Variants in AIM2 observed in about 807,000 individuals in gnomAD.
The protein encoded by AIM2 is interferon-inducible protein AIM2.
Under a neutral mutation model 27.7 loss-of-function variants are expected in AIM2, and 30 were observed. That is an observed-to-expected ratio of 1.08 (90% confidence interval 0.81 to 1.47). The LOEUF is 1.47. AIM2 is among the 40% of genes most tolerant of loss of function. The pLI is 0.00. For missense variants in AIM2, 358 were observed against 411.3 expected, an observed-to-expected ratio of 0.87 and a Z score of 1.12; for synonymous variants, 141 against 145.3, an observed-to-expected ratio of 0.97 and a Z score of 0.21.
At chr1:159,064,520 G>C (rs553462567) in intron 4 of AIM2, among the ~76,000 whole-genome samples, 1 of 152,290 alleles carries the variant, frequency 6.6e-6, no homozygotes, top group East Asian at 1.9e-4. Flanking sequence ...GCTGGAGTGC[G>C]ATGGCGCAAT....
chr1:159,141,038 A>T (rs934149701), upstream of AIM2, among the ~76,000 whole-genome samples: 2 of 152,174 alleles, frequency 1.3e-5, no homozygotes, highest in Non-Finnish European at 2.9e-5. Context: ...CAATGATTAC[A>T]TTTCACCTGA....
intron 1 of AIM2, among the ~76,000 whole-genome samples, chr1:159,129,165 GA>G (rs1159028473): frequency 6.6e-6 from 1 of 152,194 alleles, no homozygotes; most frequent in Admixed American, 6.5e-5. Flanking sequence ...CTGAGACACA[GA>G]AAAGATGGCC....
At chr1:159,114,725 C>A (rs1161646107) in intron 1 of AIM2, among the ~76,000 whole-genome samples, 1 of 152,162 alleles carries the variant, frequency 6.6e-6, no homozygotes, top group Non-Finnish European at 1.5e-5. Context: ...CAGCCAATAT[C>A]ATACTGAATG....
At chr1:159,063,460 T>C (rs374701354) in intron 5 of AIM2, 26 bp downstream of exon 5, 13 of 1,585,422 alleles carry the variant, frequency 8.2e-6, no homozygotes, top group East Asian at 6.7e-5. Flanking sequence ...CCTTGGAGAG[T>C]TGACTTTGTT....
chr1:159,076,176 T>G (rs187073863), intron 1 of AIM2, among the ~76,000 whole-genome samples: 1 of 152,316 alleles, frequency 6.6e-6, no homozygotes, highest in Admixed American at 6.5e-5. Context: ...GCTTGGATGA[T>G]TCCTACTTTT....
chr1:159,055,936 G>A, the AIM2 span, among the ~76,000 whole-genome samples: 6 of 152,142 alleles, frequency 3.9e-5, no homozygotes, highest in African/African-American at 1.4e-4. Context: ...TGGTAAATTA[G>A]AGAGCTTGAT....
At chr1:159,095,928 A>C (rs1422214835) in intron 1 of AIM2, among the ~76,000 whole-genome samples, 1 of 152,222 alleles carries the variant, frequency 6.6e-6, no homozygotes, top group Non-Finnish European at 1.5e-5. Flanking sequence ...AAGAAATTGC[A>C]AAGAGTATGG....
rs547308603 is a variant in AIM2, at chr1:159,066,467, C to T, written c.397-138G>A. The T allele has an allele frequency of 3.1e-4, 275 of 876,988 alleles. 1 individual carries two copies. Among genetic ancestry groups the T allele is most frequent in the South Asian group, 1.7e-3 (96 of 55,568 alleles). The allele number at this position is 876,988 out of a possible 1,614,324, so 54.3% of individuals were successfully genotyped here. A position where few individuals can be genotyped will look rare whatever the true frequency, so the allele number is the denominator to read the frequency against. ...CAAGGGAAGAGATACAGAGGGGATA[C>T]GAAGAGAGTTGAGGCCTAGAACGAT... On this transcript the variant is annotated intron_variant, in intron 3 of 5. Coordinates refer to ENST00000368130, the MANE Select transcript of AIM2 (RefSeq NM_004833.3).
chr1:159,124,094 C>A (rs1647613743), intron 1 of AIM2, among the ~76,000 whole-genome samples: 1 of 152,182 alleles, frequency 6.6e-6, no homozygotes. Flanking sequence ...CTCTGTCCTC[C>A]CTTTCATTTT....
At chr1:159,101,631 C>T (rs145939979) in intron 1 of AIM2, among the ~76,000 whole-genome samples, 69 of 152,290 alleles carry the variant, frequency 4.5e-4, no homozygotes, top group African/African-American at 1.6e-3. Flanking sequence ...GACCAAAATG[C>T]TGATAGTGAT....
chr1:159,068,590 G>A lies in AIM2; in HGVS notation c.374C>T (p.Pro125Leu). The change falls in exon 3 of 6, where the codon CCA becomes CTA. Residue 125 changes from proline (P) to leucine (L), a missense_variant. Transcript: ENST00000368130. ...TACCTTAACATGAGGAGAGACTTTT[G>A]GTGCAGCACGTTGCTTTGCGACATC... is the stretch of plus-strand genomic sequence containing the variant. ...RNDVAKQRAA[P>L]KVSPHVKPEQ... 1.2e-6 allele frequency: 2 copies of A among 1,612,794 alleles called. No individual in the cohort carries two copies. The highest frequency in any genetic ancestry group is 1.7e-6 in the Non-Finnish European group (2 of 1,179,484).
chr1:159,067,422 A>G (rs1234956309), intron 3 of AIM2, among the ~76,000 whole-genome samples: 1 of 152,184 alleles, frequency 6.6e-6, no homozygotes, highest in Non-Finnish European at 1.5e-5. Flanking sequence ...CAGAGGCATA[A>G]AAAGCCAAGC....
intron 1 of AIM2, among the ~76,000 whole-genome samples, chr1:159,099,555 G>T (rs559685196): frequency 3.2e-4 from 48 of 152,240 alleles, no homozygotes; most frequent in African/African-American, 1.1e-3. Flanking sequence ...CCATTTCAGG[G>T]AACAACTTTT....
chr1:159,086,635 A>C (rs1329658753), intron 1 of AIM2, among the ~76,000 whole-genome samples: 1 of 152,114 alleles, frequency 6.6e-6, no homozygotes, highest in Non-Finnish European at 1.5e-5. Context: ...TTTTCCCATC[A>C]TCTCCAGGAC....
downstream of AIM2, among the ~76,000 whole-genome samples, chr1:159,058,247 G>A (rs547692517): frequency 2.0e-4 from 30 of 152,152 alleles, no homozygotes; most frequent in Admixed American, 6.5e-4. Context: ...TACTTGGGAG[G>A]CTAAGGCAGG....
chr1:159,081,594 G>T (rs762511254), upstream of AIM2: 27 of 427,622 alleles, frequency 6.3e-5, no homozygotes, highest in Admixed American at 7.4e-4. Flanking sequence ...GTCACCATTC[G>T]TCTTTCTTCC....
intron 2 of AIM2, among the ~76,000 whole-genome samples, chr1:159,069,833 G>A (rs894105143): frequency 2.6e-5 from 4 of 152,086 alleles, no homozygotes; most frequent in Non-Finnish European, 5.9e-5. Flanking sequence ...GTGAGCCACC[G>A]CGCCTGGCCA....
upstream of AIM2, among the ~76,000 whole-genome samples, chr1:159,079,389 T>C (rs375642808): frequency 1.1e-4 from 16 of 152,162 alleles, no homozygotes; most frequent in East Asian, 1.7e-3. Context: ...ATAAGAAATA[T>C]ACAGGTTTAT....
intron 1 of AIM2, among the ~76,000 whole-genome samples, chr1:159,117,560 T>C (rs978792116): frequency 6.6e-6 from 1 of 152,164 alleles, no homozygotes; most frequent in Non-Finnish European, 1.5e-5. Flanking sequence ...CTCTTTCTCC[T>C]AAATTAGTGG....
Sources: gnomAD v4.1 joint callset for allele counts (sites outside exome capture counted in the v4.1 genomes callset) on GRCh38, gnomAD v4.1.1 for gene constraint, MANE v1.5 for transcripts, NCBI Gene and HGNC (gene_info 2026-07-23, HGNC 2026-07-21) for gene names.